Variants in AUTS2 observed in about 807,000 individuals in gnomAD.
AUTS2 encodes the protein autism susceptibility gene 2 protein.
AUTS2 carries 17 observed loss-of-function variants against 112.4 expected under a neutral mutation model. The ratio of observed to expected loss-of-function variants is 0.15; its 90% CI spans 0.10 to 0.23. The LOEUF (loss-of-function observed/expected upper bound fraction) is 0.23, where lower values mean the gene tolerates loss of function less well. AUTS2 is among the 10% of genes least tolerant of loss of function. The pLI is 1.00. For synonymous variants in AUTS2, 751 were observed against 702.7 expected (o/e 1.07, Z -1.09); for missense variants, 1,510 against 1,701.6 (o/e 0.89, Z 1.98).
chr7:69,767,421 C>T (rs966062527), intron 1 of AUTS2, among the ~76,000 whole-genome samples: 2 of 152,152 alleles, frequency 1.3e-5, no homozygotes, highest in Non-Finnish European at 2.9e-5. Context: ...AAGTGATCCA[C>T]CTGCCTTGGC....
chr7:70,256,488 G>A (rs1786876655), intron 4 of AUTS2, among the ~76,000 whole-genome samples: 1 of 152,146 alleles, frequency 6.6e-6, no homozygotes, highest in African/African-American at 2.4e-5. Flanking sequence ...TGGCTTCCAA[G>A]CTGCCAAGGA....
At chr7:69,791,262 A>G (rs1404074188) in intron 1 of AUTS2, among the ~76,000 whole-genome samples, 3 of 152,212 alleles carry the variant, frequency 2.0e-5, no homozygotes, top group Admixed American at 6.5e-5. Flanking sequence ...CATTTAGTGC[A>G]CTTGGCGAGT....
At chr7:70,499,784 G>A (rs185885736) in intron 5 of AUTS2, among the ~76,000 whole-genome samples, 1 of 152,338 alleles carries the variant, frequency 6.6e-6, no homozygotes, top group Non-Finnish European at 1.5e-5. Flanking sequence ...CTTTGGTGTA[G>A]AATTGTTAGT....
intron 2 of AUTS2, among the ~76,000 whole-genome samples, chr7:70,038,703 C>G (rs937600606): frequency 2.6e-5 from 4 of 152,028 alleles, no homozygotes; most frequent in Non-Finnish European, 4.4e-5. Context: ...AATTCAAGCT[C>G]CATCTCTTAA....
At chr7:70,553,908 C>T (rs1585294199) in intron 5 of AUTS2, among the ~76,000 whole-genome samples, 2 of 149,686 alleles carry the variant, frequency 1.3e-5, no homozygotes, top group East Asian at 4.0e-4. Context: ...GCTGGGATTA[C>T]AGGCACGCGC....
At chr7:70,445,338 T>G (rs969179018) in intron 5 of AUTS2, among the ~76,000 whole-genome samples, 1 of 152,300 alleles carries the variant, frequency 6.6e-6, no homozygotes, top group Admixed American at 6.5e-5. Flanking sequence ...AGCCTAGCAG[T>G]GCCATTCAGG....
intron 2 of AUTS2, among the ~76,000 whole-genome samples, chr7:70,060,117 C>G (rs1234322458): frequency 6.6e-6 from 1 of 152,126 alleles, no homozygotes; most frequent in Non-Finnish European, 1.5e-5. Flanking sequence ...CAGCATAAAA[C>G]CATCCTTTTT....
chr7:70,088,276 A>G (rs568693864), intron 2 of AUTS2, among the ~76,000 whole-genome samples: 151 of 151,864 alleles, frequency 9.9e-4, no homozygotes, highest in Non-Finnish European at 1.7e-3. Context: ...GGCACCCACC[A>G]CCACGCCTGG....
At chr7:69,683,910 G>A (rs148718727) in intron 1 of AUTS2, among the ~76,000 whole-genome samples, 5 of 152,210 alleles carry the variant, frequency 3.3e-5, no homozygotes, top group East Asian at 1.9e-4. Flanking sequence ...ATGAGACTCC[G>A]TGTCAAAAAA....
intron 1 of AUTS2, among the ~76,000 whole-genome samples, chr7:69,632,784 G>C (rs1432089546): frequency 2.6e-5 from 4 of 152,012 alleles, no homozygotes; most frequent in Non-Finnish European, 5.9e-5. Flanking sequence ...ACAACACTAA[G>C]TTTTCATTTG....
intron 2 of AUTS2, among the ~76,000 whole-genome samples, chr7:70,024,269 A>G (rs1179013663): frequency 2.0e-5 from 3 of 152,244 alleles, no homozygotes; most frequent in Admixed American, 2.0e-4. Context: ...TTGATGCAGC[A>G]ATATGCTTTC....
intron 4 of AUTS2, among the ~76,000 whole-genome samples, chr7:70,145,519 A>G (rs1315969877): frequency 1.3e-5 from 2 of 152,196 alleles, no homozygotes; most frequent in Admixed American, 6.5e-5. Context: ...GATATGCTAT[A>G]AAAGAAATAC....
chr7:70,290,327 A>G (rs1333594486), intron 4 of AUTS2: 2 of 1,454,854 alleles, frequency 1.4e-6, no homozygotes, highest in African/African-American at 2.9e-5. Context: ...GGCATTTAAC[A>G]TTCTTTTGAA....
intron 4 of AUTS2, among the ~76,000 whole-genome samples, chr7:70,139,793 G>A (rs992935600): frequency 6.6e-6 from 1 of 152,128 alleles, no homozygotes; most frequent in African/African-American, 2.4e-5. Context: ...GAGGTCAGGA[G>A]TTCGAGACCA....
chr7:70,461,735 G>A (rs1290358743), intron 5 of AUTS2, among the ~76,000 whole-genome samples: 2 of 152,062 alleles, frequency 1.3e-5, no homozygotes, highest in East Asian at 3.9e-4. Context: ...CACATAACAA[G>A]GGTGTGGTAG....
intron 1 of AUTS2, among the ~76,000 whole-genome samples, chr7:69,646,912 C>G (rs1270570843): frequency 1.3e-5 from 2 of 152,164 alleles, no homozygotes; most frequent in Non-Finnish European, 2.9e-5. Context: ...CGGTGAAACC[C>G]CGTCTCTACT....
intron 5 of AUTS2, among the ~76,000 whole-genome samples, chr7:70,541,565 C>T (rs1800554918): frequency 1.3e-5 from 2 of 152,204 alleles, no homozygotes; most frequent in Non-Finnish European, 1.5e-5. Flanking sequence ...GTTTTATGAT[C>T]CAATATACTG....
At chr7:70,038,698 A>G (rs1801114611) in intron 2 of AUTS2, among the ~76,000 whole-genome samples, 1 of 152,004 alleles carries the variant, frequency 6.6e-6, no homozygotes, top group Non-Finnish European at 1.5e-5. Flanking sequence ...GACCCAATTC[A>G]AGCTCCATCT....
intron 4 of AUTS2, among the ~76,000 whole-genome samples, chr7:70,301,475 G>GA (rs1388616933): frequency 1.3e-5 from 2 of 151,830 alleles, no homozygotes; most frequent in Admixed American, 6.6e-5. Context: ...ATAAAATAGG[G>GA]AAAAAAAGCT....
Sources: gnomAD v4.1 joint callset for allele counts (sites outside exome capture counted in the v4.1 genomes callset) on GRCh38, gnomAD v4.1.1 for gene constraint, MANE v1.5 for transcripts, NCBI Gene and HGNC (gene_info 2026-07-23, HGNC 2026-07-21) for gene names.